Variants in NEBL observed in about 807,000 individuals in gnomAD.
NEBL encodes the protein nebulette, also known as LIM and SH3 protein 2.
A neutral mutation model predicts 140.2 loss-of-function variants in NEBL; 122 were observed. The observed-to-expected ratio is 0.87, with a 90% CI of 0.75 to 1.01. NEBL has a LOEUF of 1.01. NEBL is among the 50% of genes least tolerant of loss of function. NEBL has a pLI of 0.00. For synonymous variants in NEBL, 436 were observed against 398.9 expected (o/e 1.09, Z -1.11); for missense variants, 1,365 against 1,231.3 (o/e 1.11, Z -1.62).
In NEBL at chr10:20,840,778, A is replaced by G; in HGVS notation, c.1299T>C (p.Asp433=). The change falls in exon 13 of 28, where the codon GAT becomes GAC. Residue 433 remains aspartate (D), a synonymous_variant. Transcript: ENST00000377122. Reference sequence around the variant, plus strand: ...CAGAGGCTCGCTTTGCTCTTTGGATATCAAGAACTTCTGAATTAAGTTCCA... The same window carrying G: ...CAGAGGCTCGCTTTGCTCTTTGGATGTCAAGAACTTCTGAATTAAGTTCCA... ...KGMELNSEVL[D]IQRAKRASEM... 2 of 1,612,106 alleles carry G rather than the reference A, an allele frequency of 1.2e-6. No homozygotes were observed. Among genetic ancestry groups the G allele is most frequent in the South Asian group, 1.1e-5 (1 of 91,038 alleles).
chr10:20,811,688 T>C (rs1287854294), intron 24 of NEBL, among the ~76,000 whole-genome samples: 1 of 152,214 alleles, frequency 6.6e-6, no homozygotes, highest in Non-Finnish European at 1.5e-5. Flanking sequence ...CTGTCAAATT[T>C]AGCTTATCTC....
At chr10:20,942,434 T>C (rs59952920) in intron 4 of NEBL, among the ~76,000 whole-genome samples, 2,470 of 152,208 alleles carry the variant, frequency 0.016, 54 homozygotes, top group African/African-American at 0.055. Flanking sequence ...ATACAAAAAT[T>C]AATTCAAGAT....
intron 3 of NEBL, among the ~76,000 whole-genome samples, chr10:21,006,148 G>A (rs1332513926): frequency 1.3e-5 from 2 of 152,058 alleles, no homozygotes; most frequent in Non-Finnish European, 2.9e-5. Context: ...CATATTCTTT[G>A]GTGCAGATTA....
At chr10:21,253,402 C>T (rs537425861) in intron 1 of NEBL, among the ~76,000 whole-genome samples, 78 of 152,200 alleles carry the variant, frequency 5.1e-4, no homozygotes, top group African/African-American at 1.8e-3. Context: ...AATCTGGACG[C>T]TCCTGACCAA....
At chr10:21,020,332 A>C (rs951921762) in intron 2 of NEBL, 3 of 761,112 alleles carry the variant, frequency 3.9e-6, no homozygotes, top group Non-Finnish European at 6.9e-6. Flanking sequence ...GAGCTTGGCT[A>C]AGGTCATCTC....
chr10:20,841,223 G>T (rs1841387459), intron 12 of NEBL, among the ~76,000 whole-genome samples: 1 of 151,988 alleles, frequency 6.6e-6, no homozygotes, highest in African/African-American at 2.4e-5. Context: ...AAAAGAACAT[G>T]GTTGCAAAAG....
intron 4 of NEBL, among the ~76,000 whole-genome samples, chr10:20,960,709 A>G (rs1836010940): frequency 6.6e-6 from 1 of 151,326 alleles, no homozygotes; most frequent in African/African-American, 2.4e-5. Context: ...CATGTATTTT[A>G]TACACACACA....
intron 3 of NEBL, among the ~76,000 whole-genome samples, chr10:21,212,251 T>C (rs1211905569): frequency 6.6e-6 from 1 of 152,090 alleles, no homozygotes; most frequent in African/African-American, 2.4e-5. Flanking sequence ...ACATATAATA[T>C]ACATATATAA....
intron 4 of NEBL, among the ~76,000 whole-genome samples, chr10:20,881,665 A>G (rs1489320416): frequency 6.6e-6 from 1 of 152,214 alleles, no homozygotes; most frequent in Non-Finnish European, 1.5e-5. Flanking sequence ...ATAATTACTT[A>G]TCTATCTTCC....
intron 2 of NEBL, among the ~76,000 whole-genome samples, chr10:21,161,431 A>G (rs1051993841): frequency 2.0e-5 from 3 of 152,118 alleles, no homozygotes; most frequent in Non-Finnish European, 4.4e-5. Flanking sequence ...CATGCCCCCA[A>G]CAAAGCTAGA....
intron 1 of NEBL, among the ~76,000 whole-genome samples, chr10:21,266,184 A>C (rs1310233260): frequency 6.6e-6 from 1 of 151,912 alleles, no homozygotes; most frequent in Non-Finnish European, 1.5e-5. Context: ...TCTGTCATCC[A>C]GGCTGGACTG....
intron 3 of NEBL, among the ~76,000 whole-genome samples, chr10:21,004,688 C>G (rs1838050348): frequency 6.6e-6 from 1 of 151,904 alleles, no homozygotes; most frequent in Admixed American, 6.6e-5. Flanking sequence ...CCACTGCACT[C>G]CAGCCTGGGG....
At chr10:20,924,868 G>T (rs916535638) in intron 4 of NEBL, among the ~76,000 whole-genome samples, 1 of 151,944 alleles carries the variant, frequency 6.6e-6, no homozygotes, top group African/African-American at 2.4e-5. Context: ...TGCAGGAGTC[G>T]AGGGGTACAT....
At chr10:21,210,040 C>T (rs896944955) in intron 3 of NEBL, among the ~76,000 whole-genome samples, 3 of 152,276 alleles carry the variant, frequency 2.0e-5, no homozygotes, top group East Asian at 1.9e-4. Context: ...GTTCCACGAG[C>T]CTCAAAATGT....
chr10:21,286,906 C>A (rs765034690), intron 1 of NEBL, among the ~76,000 whole-genome samples: 58 of 151,698 alleles, frequency 3.8e-4, no homozygotes, highest in Non-Finnish European at 7.8e-4. Flanking sequence ...GACAATTTGA[C>A]CTTTGTTCAC....
chr10:21,183,598 G>A (rs905090436), intron 3 of NEBL, among the ~76,000 whole-genome samples: 1 of 152,188 alleles, frequency 6.6e-6, no homozygotes, highest in African/African-American at 2.4e-5. Flanking sequence ...AAAGTAGAAT[G>A]TTTTGTTTTA....
chr10:21,059,937 T>C (rs1477585366), intron 2 of NEBL, among the ~76,000 whole-genome samples: 1 of 152,172 alleles, frequency 6.6e-6, no homozygotes, highest in African/African-American at 2.4e-5. Context: ...TAGGTCATAT[T>C]TTAAGGAAAC....
At chr10:21,099,821 T>C (rs16921580) in intron 2 of NEBL, among the ~76,000 whole-genome samples, 38,281 of 152,066 alleles carry the variant, frequency 0.25, 5,437 homozygotes, top group African/African-American at 0.38. Flanking sequence ...CACTCCTCTG[T>C]TGAACAAGGC....
intron 3 of NEBL, among the ~76,000 whole-genome samples, chr10:21,011,707 T>C (rs1439254963): frequency 1.3e-5 from 2 of 152,194 alleles, no homozygotes; most frequent in Non-Finnish European, 2.9e-5. Flanking sequence ...CTGGTAACCC[T>C]GTGGTGTGTT....
Sources: gnomAD v4.1 joint callset for allele counts (sites outside exome capture counted in the v4.1 genomes callset) on GRCh38, gnomAD v4.1.1 for gene constraint, MANE v1.5 for transcripts, NCBI Gene and HGNC (gene_info 2026-07-23, HGNC 2026-07-21) for gene names.